The following SLC37A3 variants were observed in gnomAD, a reference collection of about 807,000 sequenced individuals.
SLC37A3 encodes the protein sugar phosphate exchanger 3.
Under a neutral mutation model 67.1 loss-of-function variants are expected in SLC37A3, and 51 were observed. The ratio of observed to expected loss-of-function variants is 0.76; its 90% confidence interval spans 0.61 to 0.96. The LOEUF (loss-of-function observed/expected upper bound fraction) is 0.96. Ranked by LOEUF, SLC37A3 falls within the 40% of genes least tolerant of loss-of-function variation. SLC37A3 has a pLI of 0.00. For missense variants in SLC37A3, 508 were observed against 603.0 expected (o/e 0.84, Z 1.65); for synonymous variants, 214 against 231.4 (o/e 0.92, Z 0.68).
In SLC37A3 at chr7:140,369,390, A is replaced by G. The variant is rs201318566; in HGVS notation, c.291+200T>C. On this transcript the variant is annotated intron_variant, in intron 4 of 14. Transcript: ENST00000326232. ...TTTGTGTTGTTCGGGATAAATTCCC[A>G]TTGACATATGCTAGATGAGCAATAA... Among the ~76,000 whole-genome samples, 4 of 152,352 alleles carry G rather than the reference A, an allele frequency of 2.6e-5. No homozygotes were observed. The East Asian group carries it at 7.7e-4, about 29-fold the overall frequency.
intron 3 of SLC37A3, chr7:140,379,477 GAA>G (rs58367114): frequency 1.3e-4 from 11 of 85,132 alleles, no homozygotes; most frequent in Non-Finnish European, 1.4e-4. Context: ...TCTGTCTCAA[GAA>G]AAAAAAAAAA....
chr7:140,339,747 T>G (rs1264608483), intron 13 of SLC37A3, among the ~76,000 whole-genome samples: 2 of 151,744 alleles, frequency 1.3e-5, no homozygotes, highest in South Asian at 2.1e-4. Flanking sequence ...CTGTTTGTTT[T>G]TTTTTTTGAG....
chr7:140,345,294 G>A (rs1219030726), intron 11 of SLC37A3, 31 bp from the exon 12 acceptor site: 3 of 1,603,954 alleles, frequency 1.9e-6, no homozygotes, highest in Non-Finnish European at 2.6e-6. Context: ...AAACCATGGT[G>A]GCTTGAAAAG....
rs144211079 is a variant in SLC37A3 at position 140,370,041 on chromosome 7, C to T, written c.199-359G>A. Among the ~76,000 whole-genome samples, 1,198 of 151,990 alleles carry T rather than the reference C, an allele frequency of 7.9e-3. 22 individuals are homozygous for T. Among genetic ancestry groups the T allele is most frequent in the African/African-American group, 0.028 (1,166 of 41,454 alleles). Reference sequence around the variant, plus strand: ...ACAAGAATTGCTTGAACCCAGGAGGCGGAGGTTGTGGTGAGCAGAGATTGC... The same window carrying T: ...ACAAGAATTGCTTGAACCCAGGAGGTGGAGGTTGTGGTGAGCAGAGATTGC... On this transcript the variant is annotated intron_variant, in intron 3 of 14. Transcript: ENST00000326232.
At chr7:140,366,250 G>C (rs144003443) in intron 4 of SLC37A3, among the ~76,000 whole-genome samples, 303 of 152,030 alleles carry the variant, frequency 2.0e-3, no homozygotes, top group South Asian at 5.2e-3. Flanking sequence ...AGAAACACCT[G>C]GTCCTAACTG....
intron 2 of SLC37A3, among the ~76,000 whole-genome samples, chr7:140,382,072 A>C (rs11761571): frequency 0.12 from 17,764 of 151,148 alleles, 1,359 homozygotes; most frequent in East Asian, 0.28. Flanking sequence ...CAAAATAAAA[A>C]AAAAAATAGA....
In SLC37A3 at chr7:140,337,117, AAAGAAGAAG is replaced by A. The variant is rs1209375898; in HGVS notation, c.1392+158_1392+166del. Among the ~76,000 whole-genome samples the A allele has an allele frequency of 6.9e-5, 10 of 145,382 alleles. No individual in the cohort carries two copies. In the East Asian group the frequency reaches 1.4e-3, roughly 20 times the overall value. ...CTGCCTCAAAAAAAAAAAAAAAAAA[AAAGAAGAAG>A]AAGAAGAAGAAGATGTCTTTTAGAC... On this transcript the variant is annotated intron_variant, in intron 14 of 14. Coordinates refer to ENST00000326232, the MANE Select transcript of SLC37A3 (RefSeq NM_207113.3).
intron 5 of SLC37A3, 149 bp downstream of exon 5, chr7:140,364,259 A>G (rs986986328): frequency 5.8e-5 from 37 of 632,502 alleles, no homozygotes; most frequent in Admixed American, 2.1e-4. Context: ...CTCGGGGGGG[A>G]AAAAAAAGAC....
In SLC37A3 at chr7:140,334,949, C is replaced by T. The variant is rs1796075087; in HGVS notation, c.*463G>A. On this transcript the variant is annotated 3_prime_UTR_variant, in exon 15 of 15. Coordinates refer to ENST00000326232, the MANE Select transcript of SLC37A3 (RefSeq NM_207113.3). ...TCAGGATTTGATGCTTCAAAGATGA[C>T]CCACTCTCTGTAAACTCATTACCAA... 1.7e-5 allele frequency: 6 copies of T among 347,160 alleles called. No homozygotes were observed. Among genetic ancestry groups the T allele is most frequent in the Non-Finnish European group, 3.3e-5 (6 of 181,448 alleles). 21.5% of individuals were successfully genotyped at this position (347,160 alleles called of 1,614,324 possible).
intron 1 of SLC37A3, among the ~76,000 whole-genome samples, chr7:140,391,801 G>A (rs935654515): frequency 1.3e-5 from 2 of 152,122 alleles, no homozygotes; most frequent in African/African-American, 4.8e-5. Context: ...ATAGAAAAAT[G>A]CAAGTTAGCT....
Position 140,358,671 on chromosome 7 carries a change from C to T in SLC37A3, c.490G>A (p.Ala164Thr). The T allele has an allele frequency of 2.5e-6, 4 of 1,614,152 alleles. No individual in the cohort carries two copies. Among genetic ancestry groups the T allele is most frequent in the Non-Finnish European group, 3.4e-6 (4 of 1,180,016 alleles). The part of the protein sequence containing the change: ...LQSTGWPCVV[A>T]VMGNWFGKAG... Reference sequence around the variant, plus strand: ...TTCCCAAACCAGTTGCCCATAACAGCAACCACACAGGGCCAACCAGTGGAC... The same window carrying T: ...TTCCCAAACCAGTTGCCCATAACAGTAACCACACAGGGCCAACCAGTGGAC... The change falls in exon 6 of 15, where the codon GCT (alanine) becomes ACT (threonine). Residue 164 changes from alanine to threonine, a missense_variant. Coordinates refer to ENST00000326232, the MANE Select transcript of SLC37A3 (RefSeq NM_207113.3).
intron 7 of SLC37A3, among the ~76,000 whole-genome samples, chr7:140,352,707 A>C (rs1002608122): frequency 3.3e-5 from 5 of 152,272 alleles, no homozygotes; most frequent in Admixed American, 6.5e-5. Flanking sequence ...GTAAGCAAAG[A>C]CACAGGGTGG....
chr7:140,366,820 G>A (rs1716936612), intron 4 of SLC37A3, among the ~76,000 whole-genome samples: 1 of 152,100 alleles, frequency 6.6e-6, no homozygotes, highest in South Asian at 2.1e-4. Flanking sequence ...TTTCCTCTTT[G>A]AAGAAAAGAT....
chr7:140,359,129 G>T (rs192357952), intron 5 of SLC37A3, among the ~76,000 whole-genome samples: 32 of 152,212 alleles, frequency 2.1e-4, no homozygotes, highest in African/African-American at 7.2e-4. Context: ...AGATCACAAG[G>T]TCAGGAAATC....
intron 8 of SLC37A3, chr7:140,351,808 T>C (rs1796814141): frequency 1.7e-6 from 1 of 596,112 alleles, no homozygotes; most frequent in Non-Finnish European, 3.0e-6. Context: ...GTCTCAATTA[T>C]AAAAATAATT....
At chr7:140,365,815 TA>T (rs1445511992) in intron 4 of SLC37A3, among the ~76,000 whole-genome samples, 1 of 151,238 alleles carries the variant, frequency 6.6e-6, no homozygotes, top group Non-Finnish European at 1.5e-5. Flanking sequence ...AGCCTTAAAG[TA>T]GATTCTATGT....
intron 1 of SLC37A3, among the ~76,000 whole-genome samples, chr7:140,387,743 T>TATTA (rs1256381970): frequency 9.4e-5 from 2 of 21,294 alleles, no homozygotes; most frequent in African/African-American, 4.5e-4. Context: ...ATACTATATA[T>TATTA]TATATAAATA....
chr7:140,369,512 T>G, intron 4 of SLC37A3, 78 bp downstream of exon 4: 1 of 1,194,950 alleles, frequency 8.4e-7, no homozygotes, highest in Non-Finnish European at 1.2e-6. Context: ...TCAAAATCCC[T>G]TACAAATTTT....
At chr7:140,335,794 T>C (rs1796110017) in intron 14 of SLC37A3, among the ~76,000 whole-genome samples, 1 of 152,220 alleles carries the variant, frequency 6.6e-6, no homozygotes, top group African/African-American at 2.4e-5. Flanking sequence ...GTGATCCTTA[T>C]AATAGATAAA....
Sources: gnomAD v4.1 joint callset for allele counts (sites outside exome capture counted in the v4.1 genomes callset) on GRCh38, gnomAD v4.1.1 for gene constraint, MANE v1.5 for transcripts, NCBI Gene and HGNC (gene_info 2026-07-23, HGNC 2026-07-21) for gene names.